Variants in EXOC6B observed in about 807,000 individuals in gnomAD.
EXOC6B encodes SEC15 homolog B.
In EXOC6B, 54 loss-of-function variants were observed where a neutral mutation model predicts 113.5. The ratio of observed to expected loss-of-function variants is 0.48; its 90% CI spans 0.38 to 0.60. The LOEUF is 0.60. Ranked by LOEUF, EXOC6B falls within the 20% of genes least tolerant of loss-of-function variation. The pLI, the probability that EXOC6B is intolerant of heterozygous loss-of-function variation, is 0.00. For missense variants in EXOC6B, 797 were observed against 977.5 expected (o/e 0.82, Z 2.46); for synonymous variants, 357 against 339.0 (o/e 1.05, Z -0.58).
intron 18 of EXOC6B, among the ~76,000 whole-genome samples, chr2:72,395,788 T>C (rs1692691190): frequency 6.6e-6 from 1 of 152,114 alleles, no homozygotes; most frequent in African/African-American, 2.4e-5. Flanking sequence ...AGTAGTGAAA[T>C]GCAGATAACG....
At chr2:72,414,417 A>C (rs1472039901) in intron 18 of EXOC6B, among the ~76,000 whole-genome samples, 1 of 152,208 alleles carries the variant, frequency 6.6e-6, no homozygotes, top group Non-Finnish European at 1.5e-5. Context: ...CTAGAGGTTC[A>C]AAAAACCAGT....
intron 1 of EXOC6B, among the ~76,000 whole-genome samples, chr2:72,817,567 G>C (rs1475246739): frequency 3.3e-5 from 5 of 152,120 alleles, no homozygotes; most frequent in Admixed American, 3.3e-4. Context: ...GCAAACAAAA[G>C]AAACAAAATC....
intron 2 of EXOC6B, 144 bp downstream of exon 2, chr2:72,741,160 T>C (rs1193147387): frequency 7.8e-6 from 6 of 771,892 alleles, no homozygotes; most frequent in Non-Finnish European, 9.7e-6. Context: ...CTCTCAAGAA[T>C]GTACGTTTCA....
intron 18 of EXOC6B, 177 bp downstream of exon 18, chr2:72,464,983 T>C: frequency 1.7e-6 from 1 of 599,232 alleles, no homozygotes. Flanking sequence ...CAAAGGTCAA[T>C]GAAAAAATGA....
At chr2:72,423,003 C>G (rs1293787975) in intron 18 of EXOC6B, among the ~76,000 whole-genome samples, 2 of 152,092 alleles carry the variant, frequency 1.3e-5, no homozygotes, top group African/African-American at 4.8e-5. Context: ...CCCTTCCACC[C>G]TGTGGAAGCT....
At chr2:72,496,092 A>C (rs1700019919) in intron 14 of EXOC6B, among the ~76,000 whole-genome samples, 2 of 152,152 alleles carry the variant, frequency 1.3e-5, no homozygotes, top group African/African-American at 4.8e-5. Flanking sequence ...TGTACACCAC[A>C]AAGTGTAAAT....
At chr2:72,232,384 T>C (rs1333803942) in intron 20 of EXOC6B, among the ~76,000 whole-genome samples, 2 of 152,122 alleles carry the variant, frequency 1.3e-5, no homozygotes, top group African/African-American at 4.8e-5. Context: ...TTGGTAAAAA[T>C]GTTCTGGAAA....
At chr2:72,350,170 G>A (rs942538587) in intron 19 of EXOC6B, among the ~76,000 whole-genome samples, 1 of 152,088 alleles carries the variant, frequency 6.6e-6, no homozygotes, top group African/African-American at 2.4e-5. Context: ...CTTCTTCAAT[G>A]AATTGAAAAT....
intron 6 of EXOC6B, among the ~76,000 whole-genome samples, chr2:72,688,226 A>G (rs2104576455): frequency 6.6e-6 from 1 of 152,248 alleles, no homozygotes; most frequent in South Asian, 2.1e-4. Context: ...GCTCTTGACT[A>G]CTGTCTTATT....
intron 8 of EXOC6B, among the ~76,000 whole-genome samples, chr2:72,550,070 G>A (rs1291807668): frequency 6.6e-6 from 1 of 152,088 alleles, no homozygotes; most frequent in Non-Finnish European, 1.5e-5. Flanking sequence ...GTAAAGGAAT[G>A]CGAGAGATAT....
chr2:72,457,272 C>T (rs1697295475), intron 18 of EXOC6B, among the ~76,000 whole-genome samples: 1 of 152,046 alleles, frequency 6.6e-6, no homozygotes, highest in African/African-American at 2.4e-5. Context: ...GCAGCAATTC[C>T]TGGAAATAAA....
intron 6 of EXOC6B, among the ~76,000 whole-genome samples, chr2:72,711,486 G>A (rs533368755): frequency 3.9e-5 from 6 of 152,136 alleles, no homozygotes; most frequent in Admixed American, 1.3e-4. Flanking sequence ...ACAGTAGCCC[G>A]CCAACCTCTT....
At chr2:72,385,342 AAAC>A (rs1167049049) in intron 18 of EXOC6B, among the ~76,000 whole-genome samples, 3 of 152,164 alleles carry the variant, frequency 2.0e-5, no homozygotes, top group African/African-American at 7.2e-5. Context: ...CTCACATTGT[AAAC>A]AAAAAATAAT....
chr2:72,415,639 A>G (rs928503083), intron 18 of EXOC6B, among the ~76,000 whole-genome samples: 1 of 152,066 alleles, frequency 6.6e-6, no homozygotes, highest in Non-Finnish European at 1.5e-5. Flanking sequence ...CCATGCAAGC[A>G]TAAAAGCCAA....
intron 20 of EXOC6B, among the ~76,000 whole-genome samples, chr2:72,263,937 A>C (rs6729219): frequency 0.24 from 37,169 of 152,150 alleles, 8,173 homozygotes; most frequent in African/African-American, 0.59. Context: ...AGCCAGCCAG[A>C]CAGGCAGGCA....
Position 72,583,323 on chromosome 2 carries a change from G to A in EXOC6B, c.670-7655C>T, listed in dbSNP as rs1705343748. ...AGGTAACCTCCCTAATCTCACTGGA[G>A]AGGTAAACATACAGATATTAAAAAT... On this transcript the variant is annotated intron_variant, in intron 6 of 21. Coordinates refer to ENST00000272427, the MANE Select transcript of EXOC6B (RefSeq NM_015189.3). 2.0e-5 allele frequency among the ~76,000 whole-genome samples: 3 copies of A among 152,098 alleles called. No homozygotes were observed. In the South Asian group the frequency reaches 6.2e-4, roughly 32 times the overall value.
intron 20 of EXOC6B, among the ~76,000 whole-genome samples, chr2:72,187,050 A>G (rs1223915010): frequency 6.6e-6 from 1 of 152,124 alleles, no homozygotes; most frequent in African/African-American, 2.4e-5. Flanking sequence ...CGGCCACTGA[A>G]CAGTCAGACA....
chr2:72,797,178 C>G (rs1685012852), intron 1 of EXOC6B, among the ~76,000 whole-genome samples: 1 of 152,228 alleles, frequency 6.6e-6, no homozygotes, highest in Admixed American at 6.5e-5. Context: ...TCTTCCCACA[C>G]TAACTAGGCA....
At chr2:72,572,912 T>C (rs1704604963) in intron 7 of EXOC6B, among the ~76,000 whole-genome samples, 1 of 152,204 alleles carries the variant, frequency 6.6e-6, no homozygotes, top group Non-Finnish European at 1.5e-5. Flanking sequence ...AAATTTTTGT[T>C]TTAAGAGCTC....
Sources: gnomAD v4.1 joint callset for allele counts (sites outside exome capture counted in the v4.1 genomes callset) on GRCh38, gnomAD v4.1.1 for gene constraint, MANE v1.5 for transcripts, NCBI Gene and HGNC (gene_info 2026-07-23, HGNC 2026-07-21) for gene names.